Variants in HEMK2 observed in about 807,000 individuals in gnomAD.
HEMK2 encodes the protein methyltransferase HEMK2.
the HEMK2 span, among the ~76,000 whole-genome samples, chr21:28,845,501 A>G: frequency 6.6e-6 from 1 of 152,088 alleles, no homozygotes; most frequent in Admixed American, 6.6e-5. Flanking sequence ...TTATGTTTAT[A>G]CACTCACTAG....
At chr21:28,588,006 C>A in the HEMK2 span, among the ~76,000 whole-genome samples, 1 of 152,180 alleles carries the variant, frequency 6.6e-6, no homozygotes, top group African/African-American at 2.4e-5. Flanking sequence ...GCAGAAAGAT[C>A]AGGACTATTA....
At chr21:28,783,807 C>T in the HEMK2 span, among the ~76,000 whole-genome samples, 114 of 152,306 alleles carry the variant, frequency 7.5e-4, 1 homozygote, top group African/African-American at 2.6e-3. Context: ...CGGGCCAGCA[C>T]GAGTTCCGGG....
chr21:28,669,458 C>T, the HEMK2 span, among the ~76,000 whole-genome samples: 89 of 152,302 alleles, frequency 5.8e-4, no homozygotes, highest in African/African-American at 2.1e-3. Context: ...TGCAGTTCCT[C>T]CCACTGTTTC....
chr21:28,866,175 A>AAAAAAAAAAACAC, the HEMK2 span, among the ~76,000 whole-genome samples: 36 of 76,246 alleles, frequency 4.7e-4, 4 homozygotes, highest in African/African-American at 1.3e-3. Context: ...CAAAAAAAAA[A>AAAAAAAAAAACAC]ACACACACAC....
At chr21:28,715,502 G>GT in the HEMK2 span, among the ~76,000 whole-genome samples, 2 of 151,782 alleles carry the variant, frequency 1.3e-5, no homozygotes, top group Non-Finnish European at 2.9e-5. Flanking sequence ...TTTATTTTTT[G>GT]TTTGTTGAAT....
the HEMK2 span, among the ~76,000 whole-genome samples, chr21:28,785,265 C>T: frequency 0.082 from 12,415 of 152,260 alleles, 1,158 homozygotes; most frequent in African/African-American, 0.22. Context: ...ACACCAATTC[C>T]AGACACAATA....
chr21:28,878,182 T>G, the HEMK2 span: 2 of 1,529,776 alleles, frequency 1.3e-6, no homozygotes, highest in Admixed American at 4.6e-5. Flanking sequence ...AATAAATTGG[T>G]CTGTATTACC....
chr21:28,718,726 A>G, the HEMK2 span, among the ~76,000 whole-genome samples: 2,877 of 152,288 alleles, frequency 0.019, 95 homozygotes, highest in African/African-American at 0.064. Context: ...CATTTTTCTC[A>G]ATAAAATCAG....
At chr21:28,851,441 T>C in the HEMK2 span, among the ~76,000 whole-genome samples, 1 of 152,148 alleles carries the variant, frequency 6.6e-6, no homozygotes, top group Non-Finnish European at 1.5e-5. Flanking sequence ...CACACTTAAA[T>C]GAGGGATGTG....
chr21:28,831,771 G>GAAAGAAAGAAAGAA, the HEMK2 span, among the ~76,000 whole-genome samples: 9 of 144,644 alleles, frequency 6.2e-5, no homozygotes, highest in African/African-American at 2.4e-4. Context: ...AAGAAAGAAA[G>GAAAGAAAGAAAGAA]AAACAGTATC....
At chr21:28,770,711 A>G in the HEMK2 span, among the ~76,000 whole-genome samples, 1 of 152,012 alleles carries the variant, frequency 6.6e-6, no homozygotes, top group African/African-American at 2.4e-5. Flanking sequence ...ACCTTCCACC[A>G]TGAGATCACA....
the HEMK2 span, among the ~76,000 whole-genome samples, chr21:28,777,246 T>C: frequency 1.3e-5 from 2 of 152,162 alleles, no homozygotes; most frequent in African/African-American, 4.8e-5. Flanking sequence ...TCTATTTCAG[T>C]TTTGTCATCT....
chr21:28,736,448 C>T, the HEMK2 span, among the ~76,000 whole-genome samples: 501 of 152,294 alleles, frequency 3.3e-3, 6 homozygotes, highest in African/African-American at 0.011. Flanking sequence ...AAACTTGAAG[C>T]CTGAATATGT....
the HEMK2 span, among the ~76,000 whole-genome samples, chr21:28,653,437 A>C: frequency 1.3e-5 from 2 of 152,104 alleles, no homozygotes; most frequent in Non-Finnish European, 1.5e-5. Flanking sequence ...CCTTGTTCCC[A>C]ATTTAAGGAT....
At chr21:28,801,273 G>C in the HEMK2 span, among the ~76,000 whole-genome samples, 3 of 152,102 alleles carry the variant, frequency 2.0e-5, no homozygotes, top group South Asian at 2.1e-4. Flanking sequence ...GAGACAACTG[G>C]GAGCCAACTA....
At chr21:28,743,820 A>C in the HEMK2 span, among the ~76,000 whole-genome samples, 2 of 152,206 alleles carry the variant, frequency 1.3e-5, no homozygotes, top group African/African-American at 4.8e-5. Context: ...GGTAGCTACA[A>C]GGGTTGCTGT....
the HEMK2 span, among the ~76,000 whole-genome samples, chr21:28,728,495 A>C: frequency 8.9e-6 from 1 of 112,136 alleles, no homozygotes; most frequent in Non-Finnish European, 1.7e-5. Context: ...TGAACATGGA[A>C]GAACTCTTAA....
the HEMK2 span, among the ~76,000 whole-genome samples, chr21:28,624,385 T>C: frequency 7.6e-4 from 115 of 152,266 alleles, 1 homozygote; most frequent in Non-Finnish European, 1.1e-3. Flanking sequence ...CAATCACTTC[T>C]CTCCGTAATA....
At chr21:28,693,601 C>T in the HEMK2 span, among the ~76,000 whole-genome samples, 1 of 152,196 alleles carries the variant, frequency 6.6e-6, no homozygotes, top group Non-Finnish European at 1.5e-5. Flanking sequence ...GTTAAGCATG[C>T]CGCAGCCTGC....
Sources: allele counts gnomAD v4.1 joint callset (sites outside exome capture counted in the v4.1 genomes callset), GRCh38; gene constraint gnomAD v4.1.1; transcripts MANE v1.5; gene names NCBI Gene and HGNC (gene_info 2026-07-23, HGNC 2026-07-21).